Variants in TMEM74 observed in about 807,000 individuals in gnomAD.
TMEM74 encodes the protein transmembrane protein 74.
In TMEM74, 13 loss-of-function variants were observed where a neutral mutation model predicts 18.1. That is an observed-to-expected ratio of 0.72 (90% CI 0.47 to 1.14). TMEM74 has a LOEUF of 1.14. Ranked by LOEUF, TMEM74 falls within the 50% of genes most tolerant of loss-of-function variation. The probability of loss-of-function intolerance (pLI) is 0.00; values close to 1 mark genes in which losing one functional copy is unlikely to be tolerated. For synonymous variants in TMEM74, 159 were observed against 146.6 expected (o/e 1.08, Z -0.61); for missense variants, 372 against 375.9 (o/e 0.99, Z 0.09).
intron 1 of TMEM74, among the ~76,000 whole-genome samples, chr8:108,764,387 T>A (rs1264791110): frequency 6.6e-6 from 1 of 152,172 alleles, no homozygotes; most frequent in Non-Finnish European, 1.5e-5. Flanking sequence ...TAAAAATGTG[T>A]CTTTCCTAGA....
intron 2 of TMEM74, among the ~76,000 whole-genome samples, chr8:108,644,231 C>T (rs1408543924): frequency 3.3e-5 from 5 of 151,904 alleles, no homozygotes; most frequent in Non-Finnish European, 5.9e-5. Context: ...TTGACAAGGT[C>T]GACAAAAACA....
rs184713514 is a variant in TMEM74 at position 108,632,655 on chromosome 8, C to T, written n.264+22638G>A. On this transcript the variant is annotated intron_variant and non_coding_transcript_variant, in intron 2 of 3. Coordinates refer to the TMEM74 transcript ENST00000518838. ...AGGATTCATTCACTCATTCAATGAA[C>T]ATTTATTGCTCATTGTTAGATTAAC... is the stretch of plus-strand genomic sequence containing the variant. Among the ~76,000 whole-genome samples, 54 of 152,038 alleles carry T rather than the reference C, an allele frequency of 3.6e-4. 1 individual carries two copies. The highest frequency in any genetic ancestry group is 3.4e-3 in the Middle Eastern group (1 of 294).
chr8:108,692,453 C>CCCTT (rs1180794486), intron 1 of TMEM74, among the ~76,000 whole-genome samples: 4 of 152,108 alleles, frequency 2.6e-5, no homozygotes, highest in African/African-American at 9.7e-5. Context: ...TGTTAACCAC[C>CCCTT]CCTTACTGGC....
At chr8:108,624,097 C>A (rs968868494) in intron 2 of TMEM74, among the ~76,000 whole-genome samples, 1 of 152,028 alleles carries the variant, frequency 6.6e-6, no homozygotes, top group Non-Finnish European at 1.5e-5. Flanking sequence ...GTAGGAGAAC[C>A]AACAGCACCC....
intron 1 of TMEM74, among the ~76,000 whole-genome samples, chr8:108,683,526 C>T (rs1438562555): frequency 2.0e-5 from 3 of 151,682 alleles, no homozygotes; most frequent in Non-Finnish European, 3.0e-5. Context: ...GACCATTATA[C>T]AATTATGTTA....
At chr8:108,642,892 A>G (rs1040991465) in intron 2 of TMEM74, among the ~76,000 whole-genome samples, 1 of 152,190 alleles carries the variant, frequency 6.6e-6, no homozygotes, top group Admixed American at 6.5e-5. Flanking sequence ...TGCGCTCTGA[A>G]TGATAATCTG....
At position 108,630,513 on chromosome 8, in the gene TMEM74, C is replaced by T. The variant is rs542017010; in HGVS notation, n.265-21687G>A. Among the ~76,000 whole-genome samples the T allele has an allele frequency of 1.0e-3, 159 of 152,180 alleles. 1 individual carries two copies. The highest frequency in any genetic ancestry group is 1.4e-3 in the Non-Finnish European group (93 of 67,978). On this transcript the variant is annotated intron_variant and non_coding_transcript_variant, in intron 2 of 3. Coordinates refer to the TMEM74 transcript ENST00000518838. The stretch of plus-strand genomic sequence containing the variant: ...ATGTACAGAACTCTCCATCCCAAAT[C>T]AACAGAATATACATTCTTCTCAGCA...
At chr8:108,651,963 G>T (rs1812779141) in intron 2 of TMEM74, among the ~76,000 whole-genome samples, 1 of 151,338 alleles carries the variant, frequency 6.6e-6, no homozygotes, top group Non-Finnish European at 1.5e-5. Flanking sequence ...AAATCCTAGT[G>T]CAAAAGTCAA....
At chr8:108,645,615 A>G (rs190273609) in intron 2 of TMEM74, among the ~76,000 whole-genome samples, 2 of 152,226 alleles carry the variant, frequency 1.3e-5, no homozygotes, top group East Asian at 3.9e-4. Context: ...CATGTCCAAG[A>G]AACATGGCAA....
intron 1 of TMEM74, among the ~76,000 whole-genome samples, chr8:108,730,661 G>A (rs1465631206): frequency 1.4e-5 from 2 of 139,572 alleles, no homozygotes; most frequent in Non-Finnish European, 1.5e-5. Flanking sequence ...TGTGACGGAG[G>A]CTCACTCTGT....
In TMEM74 at chr8:108,782,248, A is replaced by G. The variant is rs1814315992; in HGVS notation, c.*1933T>C. Among the ~76,000 whole-genome samples the G allele has an allele frequency of 6.6e-6, 1 of 152,202 alleles. No individual in the cohort carries two copies. The highest frequency in any genetic ancestry group is 2.4e-5 in the African/African-American group (1 of 41,456). On this transcript the variant is annotated 3_prime_UTR_variant, in exon 2 of 2. Transcript: ENST00000297459. ...ATACCACTGGTAAGGCAGCCTCAACAAAAATCATGAAATGAGAGTCACAGT... is the reference window on the plus strand; with the variant it reads ...ATACCACTGGTAAGGCAGCCTCAACGAAAATCATGAAATGAGAGTCACAGT...
intron 1 of TMEM74, among the ~76,000 whole-genome samples, chr8:108,707,340 A>T (rs1813426779): frequency 6.6e-6 from 1 of 151,882 alleles, no homozygotes. Flanking sequence ...ATAAAAAAAA[A>T]AAATCCCTTA....
intron 1 of TMEM74, among the ~76,000 whole-genome samples, chr8:108,691,997 T>C (rs1480930612): frequency 6.6e-6 from 1 of 152,152 alleles, no homozygotes; most frequent in Non-Finnish European, 1.5e-5. Flanking sequence ...GTTCAAATAA[T>C]GTTCCAGGCA....
intron 1 of TMEM74, among the ~76,000 whole-genome samples, chr8:108,694,856 A>T (rs1188083530): frequency 6.6e-6 from 1 of 152,200 alleles, no homozygotes; most frequent in Non-Finnish European, 1.5e-5. Context: ...TGGGAAGAGA[A>T]CATAGTTGTG....
chr8:108,718,504 G>A (rs376760097), intron 1 of TMEM74, among the ~76,000 whole-genome samples: 2 of 152,104 alleles, frequency 1.3e-5, no homozygotes, highest in African/African-American at 4.8e-5. Context: ...ATAGTACTTG[G>A]GGAAGAGCGC....
intron 1 of TMEM74, among the ~76,000 whole-genome samples, chr8:108,741,973 C>A (rs1909025): frequency 0.35 from 53,114 of 151,916 alleles, 10,297 homozygotes; most frequent in African/African-American, 0.51. Flanking sequence ...GCCATAAAAA[C>A]GAATGAGATC....
chr8:108,657,212 T>TA (rs2130576622), intron 1 of TMEM74, among the ~76,000 whole-genome samples: 1 of 152,146 alleles, frequency 6.6e-6, no homozygotes, highest in Admixed American at 6.6e-5. Flanking sequence ...TCCTAAGCCA[T>TA]ATGGGGTCCA....
At chr8:108,707,264 A>G (rs1206437204) in intron 1 of TMEM74, among the ~76,000 whole-genome samples, 3 of 151,984 alleles carry the variant, frequency 2.0e-5, no homozygotes, top group Admixed American at 2.0e-4. Flanking sequence ...CAGCAAACCA[A>G]CATGGCACAT....
intron 1 of TMEM74, among the ~76,000 whole-genome samples, chr8:108,746,325 T>C (rs1176726309): frequency 6.6e-6 from 1 of 152,132 alleles, no homozygotes; most frequent in African/African-American, 2.4e-5. Context: ...CTCAAAAGCA[T>C]GAAGCATCTT....
Sources: gnomAD v4.1 joint callset for allele counts (sites outside exome capture counted in the v4.1 genomes callset) on GRCh38, gnomAD v4.1.1 for gene constraint, MANE v1.5 for transcripts, NCBI Gene and HGNC (gene_info 2026-07-23, HGNC 2026-07-21) for gene names.